BTBD9: variants seen among roughly 807,000 people sequenced by gnomAD.
BTBD9 encodes BTB/POZ domain-containing protein 9.
In BTBD9, 49 loss-of-function variants were observed where a neutral mutation model predicts 64.3. The ratio of observed to expected loss-of-function variants is 0.76; its 90% CI spans 0.61 to 0.97. The LOEUF (loss-of-function observed/expected upper bound fraction) is 0.97, where lower values mean the gene tolerates loss of function less well. Among genes scored for constraint, BTBD9 ranks in the 50% least tolerant of loss-of-function variants. BTBD9 has a pLI of 0.00. For missense variants in BTBD9, 598 were observed against 762.1 expected (o/e 0.78, Z 2.53); for synonymous variants, 260 against 274.7 (o/e 0.95, Z 0.53).
chr6:38,473,568 T>C (rs1344664643), intron 6 of BTBD9, among the ~76,000 whole-genome samples: 2 of 152,198 alleles, frequency 1.3e-5, no homozygotes, highest in African/African-American at 4.8e-5. Flanking sequence ...AGAACCAATA[T>C]GGAAGCTCAG....
intron 6 of BTBD9, among the ~76,000 whole-genome samples, chr6:38,375,366 C>T (rs1190558047): frequency 6.6e-6 from 1 of 152,154 alleles, no homozygotes; most frequent in Non-Finnish European, 1.5e-5. Flanking sequence ...AAAATGCATG[C>T]TATTGTGTGA....
In BTBD9 at chr6:38,580,218, C is replaced by T. The variant is rs1328926720; in HGVS notation, c.1034G>A (p.Arg345Gln). 4 of 1,612,366 alleles carry T rather than the reference C, an allele frequency of 2.5e-6. No individual in the cohort carries two copies. The highest frequency in any genetic ancestry group is 1.3e-5 in the African/African-American group (1 of 74,902). Residue 345 changes from arginine to glutamine, a missense_variant and splice_region_variant, in exon 5 of 11, where the codon CGG (arginine) becomes CAG (glutamine). Physicochemically the swap from Arg to Gln is conservative, Grantham distance 43 (BLOSUM62 1). Coordinates refer to ENST00000481247, the MANE Select transcript of BTBD9 (RefSeq NM_001099272.2). ...IRILLWDRDS[R>Q]SYSYFIEVSM... ...TTTCTAAGTCATGCTAATCACTTAC[C>T]GGCTATCTCGGTCCCACAAGAGTAT... is the stretch of plus-strand genomic sequence containing the variant.
chr6:38,271,576 A>G (rs1365919451), intron 8 of BTBD9, among the ~76,000 whole-genome samples: 2 of 152,138 alleles, frequency 1.3e-5, no homozygotes, highest in African/African-American at 4.8e-5. Flanking sequence ...GAACACAGCC[A>G]TGCCCCTCAG....
chr6:38,322,066 G>A (rs1024101480), intron 7 of BTBD9, among the ~76,000 whole-genome samples: 4 of 151,710 alleles, frequency 2.6e-5, no homozygotes, highest in South Asian at 2.1e-4. Context: ...ACAAAGCCCT[G>A]GCCCTTTCCC....
chr6:38,550,159 C>T (rs1774732010), intron 6 of BTBD9, among the ~76,000 whole-genome samples: 1 of 152,126 alleles, frequency 6.6e-6, no homozygotes, highest in Non-Finnish European at 1.5e-5. Flanking sequence ...ACCTAGACAT[C>T]TAAAAGGCAT....
intron 7 of BTBD9, 105 bp from the exon 8 acceptor site, chr6:38,288,566 T>A: frequency 1.1e-6 from 1 of 881,230 alleles, no homozygotes; most frequent in Admixed American, 2.6e-5. Context: ...AAATCAATGA[T>A]AAAAGAAAAA....
At chr6:38,504,670 G>C in intron 6 of BTBD9, 1 of 449,586 alleles carries the variant, frequency 2.2e-6, no homozygotes, top group South Asian at 1.6e-5. Context: ...CCCATTCCTA[G>C]AATGTTTCCT....
At chr6:38,330,174 C>T (rs1763619229) in intron 7 of BTBD9, among the ~76,000 whole-genome samples, 1 of 151,986 alleles carries the variant, frequency 6.6e-6, no homozygotes, top group African/African-American at 2.4e-5. Context: ...CCTGCCTCAG[C>T]CTCCTGAATA....
At chr6:38,258,315 C>T (rs746857802) in intron 8 of BTBD9, among the ~76,000 whole-genome samples, 1 of 152,040 alleles carries the variant, frequency 6.6e-6, no homozygotes, top group Non-Finnish European at 1.5e-5. Context: ...ATAATCTGAG[C>T]ATTGCAGTAC....
At chr6:38,639,135 G>A (rs1778632510) in intron 1 of BTBD9, among the ~76,000 whole-genome samples, 1 of 152,218 alleles carries the variant, frequency 6.6e-6, no homozygotes, top group African/African-American at 2.4e-5. Flanking sequence ...AGTCTATGAG[G>A]AAGTAAGAAA....
chr6:38,459,475 T>A (rs1383854850), intron 6 of BTBD9, among the ~76,000 whole-genome samples: 1 of 152,196 alleles, frequency 6.6e-6, no homozygotes, highest in Non-Finnish European at 1.5e-5. Flanking sequence ...AAAATGTAAA[T>A]GCTGGTGTAT....
intron 6 of BTBD9, among the ~76,000 whole-genome samples, chr6:38,374,211 G>A (rs571675898): frequency 2.7e-5 from 4 of 146,018 alleles, no homozygotes; most frequent in African/African-American, 1.0e-4. Context: ...AAAGGTCGCA[G>A]TGAGCCGAGA....
intron 9 of BTBD9, among the ~76,000 whole-genome samples, chr6:38,241,227 T>C (rs919143241): frequency 3.3e-5 from 5 of 152,210 alleles, no homozygotes; most frequent in Non-Finnish European, 7.3e-5. Context: ...AGTTCTCTCC[T>C]CTAATAGAGC....
In BTBD9 at chr6:38,171,874, AAAAAAAAAT is replaced by A. The variant is rs1364902291; in HGVS notation, c.*3102_*3110del. ...AAAAAAAAAAAAAAAAAAAAAAAAAAAAAAAAAATAATAATAATAATAATAATAATAATA... is the reference window on the plus strand; with the variant it reads ...AAAAAAAAAAAAAAAAAAAAAAAAAAAATAATAATAATAATAATAATAATA... On this transcript the variant is annotated 3_prime_UTR_variant, in exon 11 of 11. Transcript: ENST00000481247. 2.8e-4 allele frequency: 31 copies of A among 111,652 alleles called. No individual in the cohort carries two copies. Among genetic ancestry groups the A allele is most frequent in the African/African-American group, 9.2e-4 (26 of 28,230 alleles). The allele number at this position is 111,652 out of a possible 1,614,324, so 6.9% of individuals were successfully genotyped here.
intron 6 of BTBD9, among the ~76,000 whole-genome samples, chr6:38,437,750 T>C (rs1582429424): frequency 6.6e-6 from 1 of 152,174 alleles, no homozygotes; most frequent in South Asian, 2.1e-4. Flanking sequence ...TATACTGAAA[T>C]GTTCAAGAGT....
intron 9 of BTBD9, among the ~76,000 whole-genome samples, chr6:38,250,831 G>A (rs1473296233): frequency 6.6e-6 from 1 of 152,120 alleles, no homozygotes; most frequent in Non-Finnish European, 1.5e-5. Context: ...CCAGCACTTT[G>A]GGAAGCCGAG....
At chr6:38,592,130 C>T (rs1282939520) in intron 4 of BTBD9, among the ~76,000 whole-genome samples, 3 of 149,604 alleles carry the variant, frequency 2.0e-5, no homozygotes, top group African/African-American at 5.0e-5. Flanking sequence ...TGCAGTGAGC[C>T]GAGATTGCAA....
At chr6:38,584,485 C>T (rs1003822667) in intron 4 of BTBD9, among the ~76,000 whole-genome samples, 1 of 152,144 alleles carries the variant, frequency 6.6e-6, no homozygotes, top group Non-Finnish European at 1.5e-5. Context: ...GCAGAATGTA[C>T]CCCTAGCTAC....
At chr6:38,303,049 C>T in intron 7 of BTBD9, among the ~76,000 whole-genome samples, 1 of 152,130 alleles carries the variant, frequency 6.6e-6, no homozygotes, top group East Asian at 1.9e-4. Flanking sequence ...AACCCCTTAT[C>T]AGATGCATAC....
Sources: allele counts gnomAD v4.1 joint callset (sites outside exome capture counted in the v4.1 genomes callset), GRCh38; gene constraint gnomAD v4.1.1; transcripts MANE v1.5; gene names NCBI Gene and HGNC (gene_info 2026-07-23, HGNC 2026-07-21).